GPHN: variants seen among roughly 807,000 people sequenced by gnomAD.
GPHN encodes the protein gephyrin.
Under a neutral mutation model 95.5 loss-of-function variants are expected in GPHN, and 17 were observed. The observed-to-expected ratio is 0.18, with a 90% CI of 0.12 to 0.27. The LOEUF is 0.27. Among genes scored for constraint, GPHN ranks in the 10% least tolerant of loss-of-function variants. GPHN has a pLI of 1.00. For synonymous variants in GPHN, 320 were observed against 322.5 expected, an observed-to-expected ratio of 0.99 and a Z score of 0.08; for missense variants, 660 against 978.1, an observed-to-expected ratio of 0.67 and a Z score of 4.34.
chr14:67,725,084 T>C, the GPHN span: 13 of 1,614,160 alleles, frequency 8.1e-6, no homozygotes, highest in Admixed American at 1.7e-5. Context: ...TGCTCTTTTT[T>C]TGTCTTGGAC....
chr14:66,775,673 C>T (rs551599192), intron 2 of GPHN, among the ~76,000 whole-genome samples: 1 of 152,138 alleles, frequency 6.6e-6, no homozygotes, highest in East Asian at 1.9e-4. Flanking sequence ...TCTCAATTTT[C>T]CCATTTTTAT....
chr14:67,302,394 A>G, the GPHN span: 2 of 1,456,842 alleles, frequency 1.4e-6, no homozygotes, highest in African/African-American at 1.5e-5. Context: ...TAAATTATAC[A>G]TATATATATT....
chr14:67,070,720 A>ATATATATATATATATATATATATATATG (rs1183283173), intron 11 of GPHN, among the ~76,000 whole-genome samples: 6 of 141,162 alleles, frequency 4.3e-5, no homozygotes, highest in African/African-American at 1.7e-4. Flanking sequence ...AAAAAAATAT[A>ATATATATATATATATATATATATATATG]TATATATATC....
chr14:67,513,122 G>A, the GPHN span, among the ~76,000 whole-genome samples: 11 of 152,290 alleles, frequency 7.2e-5, no homozygotes, highest in East Asian at 2.1e-3. Context: ...AGTTAGGAGA[G>A]TATCAATTTC....
At chr14:66,515,811 A>G (rs1455236357) in intron 1 of GPHN, among the ~76,000 whole-genome samples, 2 of 152,238 alleles carry the variant, frequency 1.3e-5, no homozygotes, top group Non-Finnish European at 1.5e-5. Flanking sequence ...TACAATAGTG[A>G]TTAAGACAGT....
At chr14:67,320,306 C>T in the GPHN span, 2 of 1,613,914 alleles carry the variant, frequency 1.2e-6, no homozygotes, top group Admixed American at 3.3e-5. Context: ...AGAGACCTAT[C>T]ATCTTGATTG....
chr14:67,615,463 G>A, the GPHN span: 12 of 301,844 alleles, frequency 4.0e-5, no homozygotes, highest in South Asian at 3.0e-4. Context: ...TCTGTGCCTC[G>A]CTGAGGAAAA....
At chr14:67,265,856 CAA>C in the GPHN span, among the ~76,000 whole-genome samples, 19 of 75,354 alleles carry the variant, frequency 2.5e-4, no homozygotes, top group Non-Finnish European at 3.3e-4. Context: ...GACTCCATCT[CAA>C]AAAAAAAAAA....
intron 12 of GPHN, 97 bp from the exon 13 acceptor site, chr14:67,100,759 A>G: frequency 2.5e-6 from 2 of 815,020 alleles, no homozygotes; most frequent in South Asian, 2.8e-5. Context: ...GCCTTATCAA[A>G]TAATTTGAGT....
chr14:67,552,564 G>A, the GPHN span, among the ~76,000 whole-genome samples: 4 of 152,100 alleles, frequency 2.6e-5, no homozygotes, highest in East Asian at 1.9e-4. Flanking sequence ...TCAGGAGATC[G>A]AGACCATCTT....
intron 2 of GPHN, among the ~76,000 whole-genome samples, chr14:66,716,016 T>C (rs2104110): frequency 1.3e-5 from 2 of 151,762 alleles, no homozygotes; most frequent in Non-Finnish European, 2.9e-5. Flanking sequence ...CTGTTAAGTC[T>C]GTTTGTTCCA....
At chr14:66,631,927 C>T (rs1402213557) in intron 1 of GPHN, among the ~76,000 whole-genome samples, 2 of 152,084 alleles carry the variant, frequency 1.3e-5, no homozygotes, top group African/African-American at 4.8e-5. Flanking sequence ...GCTATTGCTT[C>T]GAATTCAGGT....
chr14:67,337,102 G>A, the GPHN span, among the ~76,000 whole-genome samples: 1 of 152,170 alleles, frequency 6.6e-6, no homozygotes, highest in Admixed American at 6.5e-5. Context: ...GCCTCTTATG[G>A]TTGTTGTAAT....
the GPHN span, chr14:67,585,526 C>G: frequency 7.5e-7 from 1 of 1,326,350 alleles, no homozygotes; most frequent in Non-Finnish European, 1.1e-6. Flanking sequence ...TTCAAAATCT[C>G]TAACTATGGA....
At chr14:66,821,198 A>C (rs768029836) in intron 3 of GPHN, among the ~76,000 whole-genome samples, 8 of 152,224 alleles carry the variant, frequency 5.3e-5, no homozygotes, top group Non-Finnish European at 1.0e-4. Context: ...TAAATTACTA[A>C]GTTAAATAAG....
At chr14:67,251,771 G>C in the GPHN span, among the ~76,000 whole-genome samples, 2 of 152,180 alleles carry the variant, frequency 1.3e-5, no homozygotes, top group Non-Finnish European at 2.9e-5. Context: ...GAATGAGGGT[G>C]ATAAGAGCAT....
chr14:67,571,833 C>T, the GPHN span: 9 of 1,613,760 alleles, frequency 5.6e-6, no homozygotes, highest in South Asian at 1.1e-5. Context: ...GGCGAGTTTC[C>T]GAATCTCGGT....
intron 8 of GPHN, among the ~76,000 whole-genome samples, chr14:66,948,735 G>A (rs117917086): frequency 1.8e-3 from 279 of 152,192 alleles, no homozygotes; most frequent in Non-Finnish European, 3.3e-3. Context: ...TTTCTCTATC[G>A]ACAAGGCATT....
chr14:67,111,950 T>C (rs942947542), intron 15 of GPHN, 31 bp downstream of exon 15: 2 of 1,514,772 alleles, frequency 1.3e-6, no homozygotes, highest in Non-Finnish European at 1.8e-6. Flanking sequence ...ATATATAGCC[T>C]ACTTTTGTTT....
Sources: allele counts gnomAD v4.1 joint callset (sites outside exome capture counted in the v4.1 genomes callset), GRCh38; gene constraint gnomAD v4.1.1; transcripts MANE v1.5; gene names NCBI Gene and HGNC (gene_info 2026-07-23, HGNC 2026-07-21).